The following TM7SF3 variants were observed in gnomAD, a reference collection of about 807,000 sequenced individuals.
TM7SF3 encodes the protein seven span transmembrane protein.
A neutral mutation model predicts 65.5 loss-of-function variants in TM7SF3; 60 were observed. The observed-to-expected ratio is 0.92, with a 90% CI of 0.74 to 1.14. The LOEUF is 1.14. Ranked by LOEUF, TM7SF3 falls within the 50% of genes most tolerant of loss-of-function variation. TM7SF3 has a pLI of 0.00. For missense variants in TM7SF3, 623 were observed against 684.8 expected, an observed-to-expected ratio of 0.91 and a Z score of 1.01; for synonymous variants, 264 against 259.6, an observed-to-expected ratio of 1.02 and a Z score of -0.16.
intron 5 of TM7SF3, 62 bp downstream of exon 5, chr12:26,995,175 C>T: frequency 6.6e-7 from 1 of 1,512,728 alleles, no homozygotes; most frequent in South Asian, 1.2e-5. Context: ...TAGCTTCTCC[C>T]CTTCTCAACT....
intron 1 of TM7SF3, among the ~76,000 whole-genome samples, chr12:27,010,635 T>C (rs977793925): frequency 2.0e-5 from 3 of 152,258 alleles, no homozygotes; most frequent in Admixed American, 2.0e-4. Flanking sequence ...GGCATAATTA[T>C]ATCTTATGAC....
intron 6 of TM7SF3, among the ~76,000 whole-genome samples, 171 bp from the exon 7 acceptor site, chr12:26,983,030 C>T (rs2136389425): frequency 6.6e-6 from 1 of 152,076 alleles, no homozygotes; most frequent in East Asian, 1.9e-4. Context: ...ATGAATGAAC[C>T]TATGTAGACA....
At chr12:26,985,022 A>G (rs553901000) in intron 6 of TM7SF3, among the ~76,000 whole-genome samples, 2 of 152,350 alleles carry the variant, frequency 1.3e-5, no homozygotes, top group South Asian at 2.1e-4. Flanking sequence ...GAGTAACAAT[A>G]GAACTAACAT....
intron 3 of TM7SF3, among the ~76,000 whole-genome samples, chr12:26,998,524 T>C (rs1370221372): frequency 6.6e-6 from 1 of 152,180 alleles, no homozygotes; most frequent in Non-Finnish European, 1.5e-5. Context: ...TTCCTACACC[T>C]ATTTTGTATC....
At chr12:26,989,011 C>A (rs1940225000) in intron 6 of TM7SF3, among the ~76,000 whole-genome samples, 1 of 152,182 alleles carries the variant, frequency 6.6e-6, no homozygotes, top group African/African-American at 2.4e-5. Context: ...TTTTCTCTAG[C>A]TCATTTTATT....
intron 1 of TM7SF3, among the ~76,000 whole-genome samples, chr12:27,010,306 A>ACAAT: frequency 6.6e-6 from 1 of 152,374 alleles, no homozygotes; most frequent in South Asian, 2.1e-4. Flanking sequence ...AGAAAGAAAG[A>ACAAT]CAATCAGGCA....
intron 7 of TM7SF3, among the ~76,000 whole-genome samples, chr12:26,982,297 A>G (rs1939851481): frequency 1.3e-5 from 2 of 152,114 alleles, no homozygotes; most frequent in Non-Finnish European, 2.9e-5. Context: ...CAGCCTCCCA[A>G]AGTGCTGGGA....
At chr12:27,008,727 A>G (rs1014793134) in intron 1 of TM7SF3, among the ~76,000 whole-genome samples, 6 of 152,142 alleles carry the variant, frequency 3.9e-5, no homozygotes, top group African/African-American at 9.7e-5. Flanking sequence ...TCATTGTTTC[A>G]TATGTTCATC....
At chr12:26,983,589 C>T in intron 6 of TM7SF3, 1 of 454,696 alleles carries the variant, frequency 2.2e-6, no homozygotes, top group South Asian at 1.6e-5. Context: ...GAAGCAGGTA[C>T]AGCACAGCTG....
At chr12:26,979,628 C>G in intron 9 of TM7SF3, 156 bp downstream of exon 9, 1 of 749,728 alleles carries the variant, frequency 1.3e-6, no homozygotes, top group South Asian at 1.8e-5. Context: ...TTTTACTAGT[C>G]CTGGTGCTGT....
rs375438092 is a variant in TM7SF3 at position 27,006,490 on chromosome 12, G to C, written c.92-3100C>G. On this transcript the variant is annotated intron_variant, in intron 1 of 11. Transcript: ENST00000343028. ...AGGAACACACACTAGAAAAAAAAAG[G>C]GACAAAATGGGACATTCTCTCAACA... Among the ~76,000 whole-genome samples the C allele has an allele frequency of 1.8e-4, 28 of 152,160 alleles. No individual in the cohort carries two copies. In the East Asian group the frequency reaches 2.9e-3, roughly 16 times the overall value.
intron 9 of TM7SF3, among the ~76,000 whole-genome samples, chr12:26,977,463 A>G (rs1205661276): frequency 6.6e-6 from 1 of 152,266 alleles, no homozygotes; most frequent in African/African-American, 2.4e-5. Flanking sequence ...AAATATGGGT[A>G]GGCCTCTTGG....
intron 5 of TM7SF3, among the ~76,000 whole-genome samples, chr12:26,993,060 C>A (rs778939901): frequency 2.6e-5 from 4 of 151,986 alleles, no homozygotes; most frequent in Non-Finnish European, 5.9e-5. Flanking sequence ...CACGCACCAC[C>A]ACGCCTGGAA....
intron 11 of TM7SF3, among the ~76,000 whole-genome samples, chr12:26,974,840 T>C (rs1268888898): frequency 2.0e-5 from 3 of 152,216 alleles, no homozygotes; most frequent in African/African-American, 7.2e-5. Context: ...CTCTGGATAG[T>C]AAAGGGAAAG....
intron 2 of TM7SF3, among the ~76,000 whole-genome samples, chr12:27,002,997 C>A (rs546027247): frequency 1.3e-5 from 2 of 152,124 alleles, no homozygotes; most frequent in Admixed American, 6.6e-5. Context: ...CACAGGGTGC[C>A]CTTCTCCCCA....
Position 26,973,094 on chromosome 12 carries a change from CA to C in TM7SF3, c.*870del, listed in dbSNP as rs1200967312. The C allele has an allele frequency of 6.7e-6, 1 of 149,906 alleles. No individual in the cohort carries two copies. The highest frequency in any genetic ancestry group is 1.5e-5 in the Non-Finnish European group (1 of 67,546). The allele number at this position is 149,906 out of a possible 1,614,324, so 9.3% of individuals were successfully genotyped here. A position where few individuals can be genotyped will look rare whatever the true frequency, so the allele number is the denominator to read the frequency against. Reference sequence around the variant, plus strand: ...ATTTTAAAAAATACTGAAAAAAAAACAAAGGGTAACTTTTGGATAATGTATG... The same window carrying C: ...ATTTTAAAAAATACTGAAAAAAAAACAAGGGTAACTTTTGGATAATGTATG... On this transcript the variant is annotated 3_prime_UTR_variant, in exon 12 of 12. Coordinates refer to ENST00000343028, the MANE Select transcript of TM7SF3 (RefSeq NM_016551.3).
At chr12:26,977,952 C>A in intron 9 of TM7SF3, 1 of 257,132 alleles carries the variant, frequency 3.9e-6, no homozygotes, top group Admixed American at 5.2e-5. Flanking sequence ...AAAAGCTTAC[C>A]AGGCATGGCA....
At chr12:26,986,117 C>T (rs1344314921) in intron 6 of TM7SF3, among the ~76,000 whole-genome samples, 13 of 152,110 alleles carry the variant, frequency 8.5e-5, no homozygotes, top group Middle Eastern at 3.4e-3. Context: ...CGTGAGCCAC[C>T]GCACCCGGCC....
At chr12:26,992,379 C>T (rs527360279) in intron 5 of TM7SF3, among the ~76,000 whole-genome samples, 8 of 152,098 alleles carry the variant, frequency 5.3e-5, no homozygotes, top group Admixed American at 2.6e-4. Context: ...CCCAGGTTCA[C>T]GCCATTCTCC....
Sources: gnomAD v4.1 joint callset for allele counts (sites outside exome capture counted in the v4.1 genomes callset) on GRCh38, gnomAD v4.1.1 for gene constraint, MANE v1.5 for transcripts, NCBI Gene and HGNC (gene_info 2026-07-23, HGNC 2026-07-21) for gene names.